The following ALKBH3 variants were observed in gnomAD, a reference collection of about 807,000 sequenced individuals.
ALKBH3 encodes alpha-ketoglutarate-dependent dioxygenase alkB homolog 3.
In ALKBH3, 51 loss-of-function variants were observed where a neutral mutation model predicts 43.9. The ratio of observed to expected loss-of-function variants is 1.16; its 90% CI spans 0.93 to 1.47. The LOEUF is 1.47. ALKBH3 is among the 40% of genes most tolerant of loss of function. The probability of loss-of-function intolerance (pLI) is 0.00; values close to 1 mark genes in which losing one functional copy is unlikely to be tolerated. For synonymous variants in ALKBH3, 102 were observed against 115.2 expected (o/e 0.89, Z 0.73); for missense variants, 361 against 351.9 (o/e 1.03, Z -0.21).
At chr11:43,901,051 G>A (rs1424923431) in intron 7 of ALKBH3, among the ~76,000 whole-genome samples, 4 of 152,204 alleles carry the variant, frequency 2.6e-5, no homozygotes. Flanking sequence ...AATAGGAATA[G>A]AACGAACAGA....
intron 7 of ALKBH3, chr11:43,897,576 A>C (rs900071725): frequency 1.3e-6 from 1 of 790,866 alleles, no homozygotes; most frequent in African/African-American, 1.7e-5. Context: ...GGGCAGTGAC[A>C]CTGTGAATGA....
chr11:43,896,219 T>G (rs1460867319), intron 7 of ALKBH3, among the ~76,000 whole-genome samples: 1 of 151,954 alleles, frequency 6.6e-6, no homozygotes, highest in Admixed American at 6.6e-5. Flanking sequence ...AGAAAACTGG[T>G]ATCTGCCACT....
intron 7 of ALKBH3, among the ~76,000 whole-genome samples, chr11:43,893,754 G>A (rs993718932): frequency 5.9e-5 from 9 of 152,160 alleles, no homozygotes; most frequent in Non-Finnish European, 7.3e-5. Flanking sequence ...ACAACATAAT[G>A]TGGTCAAATT....
chr11:43,893,193 C>T (rs777484201), intron 7 of ALKBH3, among the ~76,000 whole-genome samples: 10 of 152,152 alleles, frequency 6.6e-5, no homozygotes, highest in Non-Finnish European at 1.3e-4. Flanking sequence ...ATTTCTCAAC[C>T]TCAGTAGTAT....
intron 5 of ALKBH3, among the ~76,000 whole-genome samples, chr11:43,887,259 T>A (rs1292329003): frequency 1.3e-5 from 2 of 152,220 alleles, no homozygotes; most frequent in Non-Finnish European, 2.9e-5. Flanking sequence ...ATATAGTAGC[T>A]GCTATTTCCC....
At position 43,919,141 on chromosome 11, in the gene ALKBH3, G is replaced by A. The variant is rs1331999379; in HGVS notation, c.768+5G>A. 6.9e-6 allele frequency: 11 copies of A among 1,603,246 alleles called. No individual in the cohort carries two copies. Among genetic ancestry groups the A allele is most frequent in the Non-Finnish European group, 4.3e-6 (5 of 1,170,562 alleles). ...GCGACACAAGCTGACTGGCAGGTGA[G>A]GATCTGCAAGTAATATGAATCTGCT... On this transcript the variant is annotated splice_donor_5th_base_variant and intron_variant, in intron 9 of 9. Transcript: ENST00000302708.
chr11:43,898,683 C>T lies in ALKBH3; in HGVS notation c.460-2833C>T, dbSNP rs1590372771. 19 of 715,904 alleles carry T rather than the reference C, an allele frequency of 2.7e-5. No individual in the cohort carries two copies. The East Asian group carries it at 3.5e-4, about 13-fold the overall frequency. 44.3% of individuals were successfully genotyped at this position (715,904 alleles called of 1,614,324 possible). A position where few individuals can be genotyped will look rare whatever the true frequency, so the allele number is the denominator to read the frequency against. ...ATGTCAAAGTGCTGCGGTGGATCAT[C>T]GAGGTGGTGAAGGCCAGTTACCCTA... On this transcript the variant is annotated intron_variant, in intron 7 of 9. Transcript: ENST00000302708.
chr11:43,918,151 A>G (rs1045404000), intron 8 of ALKBH3, among the ~76,000 whole-genome samples: 1 of 152,224 alleles, frequency 6.6e-6, no homozygotes, highest in Non-Finnish European at 1.5e-5. Flanking sequence ...GGAAGCTCAG[A>G]TCTGTCCCAG....
chr11:43,909,678 A>G (rs956124687), intron 8 of ALKBH3: 26 of 152,228 alleles, frequency 1.7e-4, no homozygotes, highest in African/African-American at 6.3e-4. Context: ...TTCAGTCTGC[A>G]AAAAATGCCA....
chr11:43,904,028 A>G lies in ALKBH3; in HGVS notation c.669+2303A>G, dbSNP rs537874903. On this transcript the variant is annotated intron_variant, in intron 8 of 9. Transcript: ENST00000302708. ...GATGGAGAGCATAACTACTACATAC[A>G]TTGTTCCTGTGGGCAAGCATTTGGA... Among the ~76,000 whole-genome samples, 132 of 152,286 alleles carry G rather than the reference A, an allele frequency of 8.7e-4. 1 individual carries two copies. The highest frequency in any genetic ancestry group is 3.1e-3 in the African/African-American group (127 of 41,558).
At chr11:43,886,413 A>G (rs1402060959) in intron 4 of ALKBH3, among the ~76,000 whole-genome samples, 193 bp from the exon 5 acceptor site, 19 of 152,198 alleles carry the variant, frequency 1.2e-4, no homozygotes. Flanking sequence ...ATACTGTCAC[A>G]GTTCCATTCC....
intron 1 of ALKBH3, among the ~76,000 whole-genome samples, chr11:43,882,141 T>G (rs1434271614): frequency 6.6e-6 from 1 of 152,124 alleles, no homozygotes. Flanking sequence ...TTTCTGAAGG[T>G]GGGCCATAGG....
chr11:43,894,720 G>C (rs972968560), intron 7 of ALKBH3, among the ~76,000 whole-genome samples: 2 of 152,152 alleles, frequency 1.3e-5, no homozygotes, highest in African/African-American at 4.8e-5. Flanking sequence ...TCTAGCATCT[G>C]ATCTTTATCG....
At chr11:43,918,929 C>T in intron 8 of ALKBH3, 109 bp from the exon 9 acceptor site, 1 of 818,268 alleles carries the variant, frequency 1.2e-6, no homozygotes, top group Non-Finnish European at 2.0e-6. Context: ...ATATGGATTC[C>T]CACAGTCTGG....
rs1012291927 is a variant in ALKBH3 at position 43,884,014 on chromosome 11, T to C, written c.215T>C (p.Ile72Thr). 36 of 1,613,836 alleles carry C rather than the reference T, an allele frequency of 2.2e-5. No individual in the cohort carries two copies. The highest frequency in any genetic ancestry group is 1.8e-4 in the Admixed American group (11 of 59,992). The change falls in exon 4 of 10, where the codon ATT becomes ACT. Residue 72 changes from isoleucine to threonine, a missense_variant. Ile to Thr is a moderately conservative substitution (Grantham distance 89). Coordinates refer to ENST00000302708, the MANE Select transcript of ALKBH3 (RefSeq NM_139178.4). ...VVRRAPEPRV[I>T]DREGVYEISL... ...CGTAGAGCTCCTGAGCCACGAGTGATTGAGTAAGTAATTTGCTGTCTTCCT... is the reference window on the plus strand; with the variant it reads ...CGTAGAGCTCCTGAGCCACGAGTGACTGAGTAAGTAATTTGCTGTCTTCCT...
chr11:43,908,709 C>T lies in ALKBH3; in HGVS notation c.669+6984C>T, dbSNP rs575394888. On this transcript the variant is annotated intron_variant, in intron 8 of 9. Transcript: ENST00000302708. ...CTCAAATTCGGTAACTTCTTACCCC[C>T]ACCCTATCCCTAGTATTATTGCAGC... 5.2e-4 allele frequency among the ~76,000 whole-genome samples: 79 copies of T among 152,320 alleles called. No homozygotes were observed. In the South Asian group the frequency reaches 0.015, roughly 29 times the overall value.
At chr11:43,912,001 T>C (rs970859740) in intron 8 of ALKBH3, among the ~76,000 whole-genome samples, 1 of 151,992 alleles carries the variant, frequency 6.6e-6, no homozygotes, top group South Asian at 2.1e-4. Flanking sequence ...TGCGCGCCTG[T>C]AATGCCAGCT....
chr11:43,880,909 G>C lies in ALKBH3; in HGVS notation c.-341G>C, dbSNP rs989688971. The C allele has an allele frequency of 1.3e-5, 2 of 152,444 alleles. No homozygotes were observed. Among genetic ancestry groups the C allele is most frequent in the East Asian group, 1.9e-4 (1 of 5,198 alleles). The allele number at this position is 152,444 out of a possible 1,614,324, so 9.4% of individuals were successfully genotyped here. A position where few individuals can be genotyped will look rare whatever the true frequency, so the allele number is the denominator to read the frequency against. ...GCCCCAAGTCCTACCGGGTTTGCACGGGCGCGCCCGGCTCCGCCCGCAAGT... is the reference window on the plus strand; with the variant it reads ...GCCCCAAGTCCTACCGGGTTTGCACCGGCGCGCCCGGCTCCGCCCGCAAGT... On this transcript the variant is annotated 5_prime_UTR_variant, in exon 1 of 10. Transcript: ENST00000302708.
At chr11:43,887,039 A>G (rs1307926253) in intron 5 of ALKBH3, among the ~76,000 whole-genome samples, 2 of 152,182 alleles carry the variant, frequency 1.3e-5, no homozygotes, top group African/African-American at 2.4e-5. Flanking sequence ...AATAATCTGT[A>G]TAACAAACCC....
Sources: gnomAD v4.1 joint callset for allele counts (sites outside exome capture counted in the v4.1 genomes callset) on GRCh38, gnomAD v4.1.1 for gene constraint, MANE v1.5 for transcripts, NCBI Gene and HGNC (gene_info 2026-07-23, HGNC 2026-07-21) for gene names.